The following NTM variants were observed in gnomAD, a reference collection of about 807,000 sequenced individuals.
NTM encodes IgLON family member 2.
In NTM, 13 loss-of-function variants were observed where a neutral mutation model predicts 42.1. That is an observed-to-expected ratio of 0.31 (90% CI 0.20 to 0.49). NTM has a LOEUF of 0.49. NTM is among the 20% of genes least tolerant of loss of function. NTM has a pLI of 0.99. For synonymous variants in NTM, 187 were observed against 179.2 expected, an observed-to-expected ratio of 1.04 and a Z score of -0.35; for missense variants, 373 against 452.8, an observed-to-expected ratio of 0.82 and a Z score of 1.60.
chr11:131,859,724 A>G (rs1592324187), intron 1 of NTM, among the ~76,000 whole-genome samples: 1 of 152,324 alleles, frequency 6.6e-6, no homozygotes, highest in African/African-American at 2.4e-5. Context: ...GCTGAAATCA[A>G]CATATGTAAA....
chr11:131,425,174 G>A (rs188858646), intron 1 of NTM, among the ~76,000 whole-genome samples: 14 of 152,206 alleles, frequency 9.2e-5, no homozygotes, highest in Non-Finnish European at 1.8e-4. Flanking sequence ...TAGCCATTGC[G>A]CCTGGCTAGT....
At chr11:131,836,107 A>C (rs1480141887) in intron 1 of NTM, among the ~76,000 whole-genome samples, 1 of 152,220 alleles carries the variant, frequency 6.6e-6, no homozygotes. Flanking sequence ...CAATTTCTTT[A>C]ACTGCTGGTA....
At chr11:131,569,918 C>T (rs1251938842) in intron 1 of NTM, among the ~76,000 whole-genome samples, 1 of 152,194 alleles carries the variant, frequency 6.6e-6, no homozygotes, top group Non-Finnish European at 1.5e-5. Context: ...AGACCTGGGC[C>T]TTCTTGACTC....
intron 1 of NTM, among the ~76,000 whole-genome samples, chr11:131,614,674 T>A (rs1036274864): frequency 2.4e-4 from 37 of 152,236 alleles, no homozygotes; most frequent in African/African-American, 6.5e-4. Flanking sequence ...CTTTGTCAGT[T>A]CTTGTTCAAA....
chr11:131,954,397 A>G (rs896494491), intron 2 of NTM, among the ~76,000 whole-genome samples: 1 of 152,190 alleles, frequency 6.6e-6, no homozygotes, highest in African/African-American at 2.4e-5. Context: ...CTTCACCTGG[A>G]CACGATCAGG....
chr11:131,919,321 C>A (rs958268250), intron 2 of NTM, among the ~76,000 whole-genome samples: 1 of 152,058 alleles, frequency 6.6e-6, no homozygotes, highest in Non-Finnish European at 1.5e-5. Flanking sequence ...ATAACTAATA[C>A]TAAATAAATA....
chr11:131,823,583 A>G (rs990722813), intron 1 of NTM, among the ~76,000 whole-genome samples: 4 of 152,172 alleles, frequency 2.6e-5, no homozygotes, highest in Non-Finnish European at 5.9e-5. Flanking sequence ...CTTGACTTTA[A>G]TATAATAGAA....
intron 2 of NTM, among the ~76,000 whole-genome samples, chr11:131,925,383 C>CTTTTTTTTTTT (rs61493262): frequency 9.0e-6 from 1 of 111,456 alleles, no homozygotes; most frequent in Non-Finnish European, 1.8e-5. Flanking sequence ...TTTCTTTTCT[C>CTTTTTTTTTTT]TTTTTTTTTT....
At chr11:131,840,322 A>G (rs2044073244) in intron 1 of NTM, among the ~76,000 whole-genome samples, 1 of 152,220 alleles carries the variant, frequency 6.6e-6, no homozygotes, top group African/African-American at 2.4e-5. Context: ...AGGACACTGT[A>G]CAGGAAAATC....
At chr11:131,448,723 G>A (rs944543171) in intron 1 of NTM, among the ~76,000 whole-genome samples, 6 of 152,192 alleles carry the variant, frequency 3.9e-5, no homozygotes, top group African/African-American at 1.2e-4. Flanking sequence ...GGCTGGAGAA[G>A]GCCTCGAAGT....
intron 1 of NTM, among the ~76,000 whole-genome samples, chr11:131,384,343 C>T (rs1345819716): frequency 6.6e-6 from 1 of 152,120 alleles, no homozygotes; most frequent in East Asian, 1.9e-4. Flanking sequence ...AAGCATGAGG[C>T]CATCAAGGCC....
intron 1 of NTM, among the ~76,000 whole-genome samples, chr11:131,404,481 A>G (rs1945596315): frequency 6.6e-6 from 1 of 152,070 alleles, no homozygotes; most frequent in Non-Finnish European, 1.5e-5. Context: ...GTCTTCAGGC[A>G]CTTCCTCTGT....
intron 7 of NTM, among the ~76,000 whole-genome samples, chr11:132,324,392 A>G (rs1356507775): frequency 6.7e-6 from 1 of 149,970 alleles, no homozygotes; most frequent in African/African-American, 2.4e-5. Flanking sequence ...ACAGACAAAC[A>G]GCCAAATCAT....
chr11:131,659,436 G>A (rs926664357), intron 1 of NTM, among the ~76,000 whole-genome samples: 8 of 152,190 alleles, frequency 5.3e-5, no homozygotes, highest in African/African-American at 1.7e-4. Context: ...GCCAGACCCT[G>A]TATGCTGAGC....
rs564095215 is a variant in NTM, at chr11:131,777,707, A to G, written c.83-133857A>G. Among the ~76,000 whole-genome samples the G allele has an allele frequency of 2.6e-5, 4 of 152,242 alleles. No homozygotes were observed. In the South Asian group the frequency reaches 8.3e-4, roughly 32 times the overall value. On this transcript the variant is annotated intron_variant, in intron 1 of 8. Transcript: ENST00000683400. ...TTTCCTTGCAAATTGACATACTGAG[A>G]TATTACAGTTGCTATGAAGTTTCTG...
intron 1 of NTM, among the ~76,000 whole-genome samples, chr11:131,436,793 C>T (rs1223609700): frequency 5.3e-5 from 8 of 152,114 alleles, no homozygotes. Context: ...TTCAGTTCTG[C>T]TCTGATCTTA....
intron 1 of NTM, among the ~76,000 whole-genome samples, chr11:131,553,277 A>G (rs527501933): frequency 6.6e-6 from 1 of 152,236 alleles, no homozygotes; most frequent in South Asian, 2.1e-4. Flanking sequence ...CTGCACATCT[A>G]TATTGTGTGC....
chr11:132,133,212 C>G (rs2067155351), intron 2 of NTM, among the ~76,000 whole-genome samples: 1 of 152,222 alleles, frequency 6.6e-6, no homozygotes, highest in African/African-American at 2.4e-5. Flanking sequence ...AACTTCACTT[C>G]TACAAGCCCT....
chr11:131,729,264 A>G (rs2079335421), intron 1 of NTM, among the ~76,000 whole-genome samples: 1 of 152,200 alleles, frequency 6.6e-6, no homozygotes, highest in South Asian at 2.1e-4. Flanking sequence ...CTTAGCCCTC[A>G]GGGCCATTAG....
Sources: allele counts gnomAD v4.1 joint callset (sites outside exome capture counted in the v4.1 genomes callset), GRCh38; gene constraint gnomAD v4.1.1; transcripts MANE v1.5; gene names NCBI Gene and HGNC (gene_info 2026-07-23, HGNC 2026-07-21).